TDRP: variants seen among roughly 807,000 people sequenced by gnomAD.
TDRP encodes testis development-related protein.
In TDRP, 12 loss-of-function variants were observed where a neutral mutation model predicts 10.5. That is an observed-to-expected ratio of 1.15 (90% CI 0.73 to 1.86). The LOEUF is 1.86. TDRP is among the 40% of genes most tolerant of loss of function. The probability of loss-of-function intolerance (pLI) is 0.00; values close to 1 mark genes in which losing one functional copy is unlikely to be tolerated. For synonymous variants in TDRP, 139 were observed against 95.4 expected, an observed-to-expected ratio of 1.46 and a Z score of -2.67; for missense variants, 353 against 229.2, an observed-to-expected ratio of 1.54 and a Z score of -3.49.
chr8:505,968 G>A (rs965191640), intron 1 of TDRP, among the ~76,000 whole-genome samples: 4 of 152,154 alleles, frequency 2.6e-5, no homozygotes, highest in African/African-American at 9.7e-5. Context: ...CAGCAGGGTA[G>A]TGGGAGCTAT....
intron 1 of TDRP, among the ~76,000 whole-genome samples, chr8:519,695 G>A (rs1433765425): frequency 1.3e-5 from 2 of 152,144 alleles, no homozygotes; most frequent in African/African-American, 2.4e-5. Flanking sequence ...AATGAGGTGT[G>A]ACTAAAAGAG....
At chr8:522,154 C>T (rs1427437027) in intron 1 of TDRP, among the ~76,000 whole-genome samples, 1 of 152,060 alleles carries the variant, frequency 6.6e-6, no homozygotes, top group Non-Finnish European at 1.5e-5. Context: ...TCAGACAGTC[C>T]CCTATTTACA....
rs768816968 is a variant in TDRP at position 492,388 on chromosome 8, C to T, written c.*11G>A. ...CCACCATGTCGGGGCACACTTGCCA[C>T]GCAGCCCCCCTCACTCCGCCTCCTC... On this transcript the variant is annotated 3_prime_UTR_variant, in exon 3 of 3. Transcript: ENST00000324079. 7 of 1,500,334 alleles carry T rather than the reference C, an allele frequency of 4.7e-6. No homozygotes were observed. Among genetic ancestry groups the T allele is most frequent in the East Asian group, 4.7e-5 (2 of 42,542 alleles). 92.9% of individuals were successfully genotyped at this position (1,500,334 alleles called of 1,614,324 possible). A position where few individuals can be genotyped will look rare whatever the true frequency, so the allele number is the denominator to read the frequency against.
chr8:527,871 C>G (rs1478160262), intron 1 of TDRP, among the ~76,000 whole-genome samples: 1 of 151,984 alleles, frequency 6.6e-6, no homozygotes, highest in Non-Finnish European at 1.5e-5. Context: ...TTCTTAATAC[C>G]CCACAAGCAC....
At chr8:544,983 C>T, upstream of TDRP, 3 of 318,452 alleles carry the variant, frequency 9.4e-6, no homozygotes, top group Non-Finnish European at 1.7e-5. Context: ...ATCCCCAGAA[C>T]CAGGCCCGCT....
At chr8:539,855 A>C (rs1218422868) in intron 1 of TDRP, among the ~76,000 whole-genome samples, 1 of 152,182 alleles carries the variant, frequency 6.6e-6, no homozygotes. Context: ...ACTAAGATTC[A>C]CTATTCCTTG....
intron 1 of TDRP, among the ~76,000 whole-genome samples, chr8:494,812 C>T (rs552799341): frequency 1.3e-5 from 2 of 152,300 alleles, no homozygotes; most frequent in South Asian, 4.1e-4. Flanking sequence ...AACAGCTTAT[C>T]AGTGATGCTG....
At chr8:545,210 A>C (rs1384564870), upstream of TDRP, among the ~76,000 whole-genome samples, 4 of 108,078 alleles carry the variant, frequency 3.7e-5, no homozygotes, top group Admixed American at 1.1e-4. Flanking sequence ...CGACGTCCTC[A>C]CCCCAGGCTA....
chr8:515,405 G>A (rs560640016), intron 1 of TDRP, among the ~76,000 whole-genome samples: 67 of 152,302 alleles, frequency 4.4e-4, no homozygotes, highest in African/African-American at 1.2e-3. Flanking sequence ...GAGATGCTTG[G>A]AACCAGAAGT....
At position 491,196 on chromosome 8, in the gene TDRP, C is replaced by G. The variant is rs1287961551; in HGVS notation, c.*1203G>C. 6.4e-6 allele frequency: 1 copy of G among 155,714 alleles called. No homozygotes were observed. The highest frequency in any genetic ancestry group is 1.4e-5 in the Non-Finnish European group (1 of 70,464). 9.6% of individuals were successfully genotyped at this position (155,714 alleles called of 1,614,324 possible). A position where few individuals can be genotyped will look rare whatever the true frequency, so the allele number is the denominator to read the frequency against. On this transcript the variant is annotated 3_prime_UTR_variant, in exon 3 of 3. Transcript: ENST00000324079. ...GCATGAAACAGCACAGGAGTGCATG[C>G]CGAGCAACTCAGGAAAGGGTTTTTG...
intron 1 of TDRP, among the ~76,000 whole-genome samples, chr8:510,199 C>A (rs1256252888): frequency 6.6e-6 from 1 of 152,142 alleles, no homozygotes; most frequent in African/African-American, 2.4e-5. Context: ...AATAATTGGC[C>A]ACATGACTGC....
chr8:491,347 G>C lies in TDRP; in HGVS notation c.*1052C>G, dbSNP rs917554513. On this transcript the variant is annotated 3_prime_UTR_variant, in exon 3 of 3. Transcript: ENST00000324079. Reference sequence around the variant, plus strand: ...CTAAGAGATATCTGCAGGACTTGCTGATAAGAGCCAACCTTCCAGGGACGC... The same window carrying C: ...CTAAGAGATATCTGCAGGACTTGCTCATAAGAGCCAACCTTCCAGGGACGC... 7 of 357,224 alleles carry C rather than the reference G, an allele frequency of 2.0e-5. No homozygotes were observed. The highest frequency in any genetic ancestry group is 3.5e-5 in the Non-Finnish European group (7 of 200,278). The allele number at this position is 357,224 out of a possible 1,614,324, so 22.1% of individuals were successfully genotyped here.
At chr8:539,366 C>A (rs771928395) in intron 1 of TDRP, among the ~76,000 whole-genome samples, 20 of 152,230 alleles carry the variant, frequency 1.3e-4, no homozygotes, top group Admixed American at 9.8e-4. Context: ...AACGAAGCAC[C>A]CTGATTTAAA....
chr8:534,777 G>T (rs1003579850), intron 1 of TDRP, among the ~76,000 whole-genome samples: 4 of 152,140 alleles, frequency 2.6e-5, no homozygotes, highest in Admixed American at 6.5e-5. Flanking sequence ...ATAAATTTTA[G>T]CAAGAAGCTG....
chr8:506,477 T>C (rs1212879887), intron 1 of TDRP, among the ~76,000 whole-genome samples: 1 of 152,146 alleles, frequency 6.6e-6, no homozygotes, highest in African/African-American at 2.4e-5. Context: ...AAGCCGCAGC[T>C]GAATGCTACA....
intron 1 of TDRP, among the ~76,000 whole-genome samples, chr8:519,514 C>T (rs1452767820): frequency 6.6e-6 from 1 of 152,000 alleles, no homozygotes; most frequent in Non-Finnish European, 1.5e-5. Context: ...AACTGTTGTA[C>T]AACAGATCTC....
At chr8:522,737 C>T (rs1801938862) in intron 1 of TDRP, among the ~76,000 whole-genome samples, 1 of 152,152 alleles carries the variant, frequency 6.6e-6, no homozygotes, top group Admixed American at 6.5e-5. Flanking sequence ...CCTCCTCAAC[C>T]CCTGCCTCTG....
At chr8:501,576 C>T (rs1045937849) in intron 1 of TDRP, among the ~76,000 whole-genome samples, 19 of 152,216 alleles carry the variant, frequency 1.2e-4, no homozygotes, top group Non-Finnish European at 2.1e-4. Context: ...CGAACTCCTG[C>T]CCTCAAGCGA....
chr8:541,716 A>G (rs1802499464), intron 1 of TDRP, among the ~76,000 whole-genome samples: 1 of 152,162 alleles, frequency 6.6e-6, no homozygotes, highest in African/African-American at 2.4e-5. Context: ...ACCACCACAC[A>G]CCTACTAGGA....
Sources: allele counts gnomAD v4.1 joint callset (sites outside exome capture counted in the v4.1 genomes callset), GRCh38; gene constraint gnomAD v4.1.1; transcripts MANE v1.5; gene names NCBI Gene and HGNC (gene_info 2026-07-23, HGNC 2026-07-21).